SMYD3: variants seen among roughly 807,000 people sequenced by gnomAD.
SMYD3 encodes the protein histone-lysine N-methyltransferase SMYD3.
Under a neutral mutation model 57.7 loss-of-function variants are expected in SMYD3, and 36 were observed. The observed-to-expected ratio is 0.62, with a 90% CI of 0.48 to 0.82. The LOEUF is 0.82. SMYD3 is among the 40% of genes least tolerant of loss of function. The pLI is 0.00. For synonymous variants in SMYD3, 211 were observed against 195.0 expected (o/e 1.08, Z -0.68); for missense variants, 515 against 538.8 (o/e 0.96, Z 0.44).
chr1:246,004,963 G>A (rs4654187), intron 5 of SMYD3, among the ~76,000 whole-genome samples: 66,154 of 151,700 alleles, frequency 0.44, 17,542 homozygotes, highest in Non-Finnish European at 0.6. Context: ...CTCCCACCTC[G>A]GCCTCCCGAG....
At chr1:245,759,655 G>A (rs959181984) in intron 11 of SMYD3, among the ~76,000 whole-genome samples, 10 of 152,154 alleles carry the variant, frequency 6.6e-5, no homozygotes, top group African/African-American at 2.2e-4. Flanking sequence ...TAGGACTTGC[G>A]GCCTGGTGCT....
chr1:246,501,511 A>G (rs1225440687), intron 1 of SMYD3, among the ~76,000 whole-genome samples: 1 of 152,152 alleles, frequency 6.6e-6, no homozygotes, highest in Non-Finnish European at 1.5e-5. Flanking sequence ...AAGTCAACCC[A>G]TTATCTGACC....
intron 1 of SMYD3, among the ~76,000 whole-genome samples, chr1:246,436,088 G>T (rs1278009409): frequency 6.6e-6 from 1 of 151,650 alleles, no homozygotes; most frequent in Non-Finnish European, 1.5e-5. Flanking sequence ...CTTTCAGTGG[G>T]TAGTAGTTAC....
intron 5 of SMYD3, among the ~76,000 whole-genome samples, chr1:246,127,459 G>A (rs2061526022): frequency 6.6e-6 from 1 of 152,176 alleles, no homozygotes; most frequent in Non-Finnish European, 1.5e-5. Flanking sequence ...TCCTGTAGAA[G>A]AATTCTGTAT....
At position 246,069,218 on chromosome 1, in the gene SMYD3, GA is replaced by G. The variant is rs541939167; in HGVS notation, c.532-139282del. Among the ~76,000 whole-genome samples the G allele has an allele frequency of 5.3e-5, 8 of 152,224 alleles. No homozygotes were observed. In the South Asian group the frequency reaches 1.7e-3, roughly 32 times the overall value. On this transcript the variant is annotated intron_variant, in intron 5 of 11. Coordinates refer to ENST00000490107, the MANE Select transcript of SMYD3 (RefSeq NM_001167740.2). ...CCTTATCATGTTCTACCATAAAAAT[GA>G]AAATTGTGAAACAGAAAATCTAAAT...
chr1:246,316,369 T>C (rs946589149), intron 5 of SMYD3, among the ~76,000 whole-genome samples: 3 of 151,016 alleles, frequency 2.0e-5, no homozygotes, highest in African/African-American at 7.3e-5. Flanking sequence ...GGGTTTTTTT[T>C]TTTTTTTTTG....
chr1:245,985,909 T>C (rs2058694855), intron 5 of SMYD3, among the ~76,000 whole-genome samples: 1 of 152,138 alleles, frequency 6.6e-6, no homozygotes, highest in African/African-American at 2.4e-5. Context: ...TTACAGCAAT[T>C]ACCTGTTTCC....
intron 5 of SMYD3, among the ~76,000 whole-genome samples, chr1:246,040,636 A>G (rs930382925): frequency 6.6e-6 from 1 of 152,188 alleles, no homozygotes; most frequent in Non-Finnish European, 1.5e-5. Context: ...ACCAGTAGTT[A>G]CCGACTCCAT....
intron 5 of SMYD3, among the ~76,000 whole-genome samples, chr1:246,058,940 T>A (rs2060202519): frequency 6.6e-6 from 1 of 151,578 alleles, no homozygotes; most frequent in African/African-American, 2.4e-5. Flanking sequence ...AGTGGCATGA[T>A]CTCCGCTCAC....
chr1:246,359,418 T>G (rs961745698), intron 1 of SMYD3, among the ~76,000 whole-genome samples: 1 of 152,224 alleles, frequency 6.6e-6, no homozygotes, highest in African/African-American at 2.4e-5. Flanking sequence ...CTATTGACAC[T>G]ATTCCAGAGG....
At chr1:245,877,828 C>T (rs184772370) in intron 8 of SMYD3, among the ~76,000 whole-genome samples, 18 of 152,200 alleles carry the variant, frequency 1.2e-4, no homozygotes, top group Non-Finnish European at 1.9e-4. Flanking sequence ...CCCTAGGAAG[C>T]GGGAAATATG....
chr1:245,846,970 T>C (rs988747809), intron 10 of SMYD3, among the ~76,000 whole-genome samples: 1 of 152,178 alleles, frequency 6.6e-6, no homozygotes, highest in African/African-American at 2.4e-5. Context: ...TCTGTTTCCC[T>C]CTTTGCAGAG....
chr1:246,180,407 G>C (rs1324514974), intron 5 of SMYD3, among the ~76,000 whole-genome samples: 1 of 145,434 alleles, frequency 6.9e-6, no homozygotes, highest in Non-Finnish European at 1.5e-5. Context: ...TCCACTCAAG[G>C]TCATGAAGAT....
intron 10 of SMYD3, among the ~76,000 whole-genome samples, chr1:245,856,740 G>C (rs1474405859): frequency 6.6e-6 from 1 of 152,220 alleles, no homozygotes; most frequent in East Asian, 1.9e-4. Flanking sequence ...GGCCCGAGCA[G>C]GGCAGCCTGA....
chr1:245,765,707 A>C (rs946456457), intron 10 of SMYD3, among the ~76,000 whole-genome samples: 1 of 152,136 alleles, frequency 6.6e-6, no homozygotes, highest in African/African-American at 2.4e-5. Context: ...GCATATCCCA[A>C]CCGTCAGAGA....
intron 5 of SMYD3, among the ~76,000 whole-genome samples, chr1:246,245,603 T>TA (rs66711432): frequency 6.0e-4 from 91 of 151,228 alleles, no homozygotes; most frequent in African/African-American, 1.6e-3. Context: ...AAAACAAAAG[T>TA]AAAAAAAAAT....
chr1:246,059,270 T>A (rs10924478), intron 5 of SMYD3, among the ~76,000 whole-genome samples: 2 of 151,772 alleles, frequency 1.3e-5, no homozygotes, highest in African/African-American at 4.8e-5. Flanking sequence ...TACAGCCAAC[T>A]CAAGTGGCAG....
intron 4 of SMYD3, among the ~76,000 whole-genome samples, chr1:246,328,926 T>G: frequency 6.6e-6 from 1 of 150,500 alleles, no homozygotes; most frequent in Admixed American, 6.7e-5. Context: ...CACCTACGAG[T>G]GAGAATATGC....
At chr1:245,908,146 G>C (rs2054707648) in intron 8 of SMYD3, among the ~76,000 whole-genome samples, 1 of 151,080 alleles carries the variant, frequency 6.6e-6, no homozygotes, top group Admixed American at 6.6e-5. Context: ...AAAAAAAAAA[G>C]TGAAGGGATG....
Sources: gnomAD v4.1 joint callset for allele counts (sites outside exome capture counted in the v4.1 genomes callset) on GRCh38, gnomAD v4.1.1 for gene constraint, MANE v1.5 for transcripts, NCBI Gene and HGNC (gene_info 2026-07-23, HGNC 2026-07-21) for gene names.